GANAB: variants seen among roughly 807,000 people sequenced by gnomAD.
The protein encoded by GANAB is neutral alpha-glucosidase AB.
GANAB carries 35 observed loss-of-function variants against 129.9 expected under a neutral mutation model. That is an observed-to-expected ratio of 0.27 (90% CI 0.21 to 0.36). The LOEUF (loss-of-function observed/expected upper bound fraction) is 0.36, where lower values mean the gene tolerates loss of function less well. Ranked by LOEUF, GANAB falls within the 10% of genes least tolerant of loss-of-function variation. The pLI is 1.00. For missense variants in GANAB, 939 were observed against 1,221.0 expected (o/e 0.77, Z 3.44); for synonymous variants, 482 against 451.8 (o/e 1.07, Z -0.85).
chr11:62,637,885 C>T (rs1413861859), intron 4 of GANAB, among the ~76,000 whole-genome samples: 3 of 149,144 alleles, frequency 2.0e-5, no homozygotes, highest in South Asian at 2.1e-4. Flanking sequence ...TGGGAGACAG[C>T]GAGACTCCAT....
chr11:62,626,348 T>A lies in GANAB; in HGVS notation c.2611A>T (p.Thr871Ser). The A allele has an allele frequency of 6.2e-7, 1 of 1,607,884 alleles. No homozygotes were observed. The highest frequency in any genetic ancestry group is 8.5e-7 in the Non-Finnish European group (1 of 1,174,438). Reference protein sequence around the residue: ...LLRRFSFSGNTLVSSSADPEG... With the variant: ...LLRRFSFSGNSLVSSSADPEG... ...GTGACCCATTACCTGGAGACAAGGGTGTTGCCAGAGAATGAGAATCGACGC... is the reference window on the plus strand; with the variant it reads ...GTGACCCATTACCTGGAGACAAGGGAGTTGCCAGAGAATGAGAATCGACGC... The change falls in exon 22 of 24, where the codon ACC becomes TCC. Residue 871 changes from threonine (T) to serine (S), a missense_variant. Thr to Ser is a moderately conservative substitution (Grantham distance 58). Coordinates refer to ENST00000356638, the MANE Select transcript of GANAB (RefSeq NM_198334.3).
chr11:62,631,252 T>A lies in GANAB; in HGVS notation c.997-69A>T. ...CATTTTCCAACCCCAAGACAAAAAG[T>A]AGCAATTTTCTCCCAGAGTCCACAC... On this transcript the variant is annotated intron_variant, in intron 9 of 23. Coordinates refer to ENST00000356638, the MANE Select transcript of GANAB (RefSeq NM_198334.3). 7 of 1,426,804 alleles carry A rather than the reference T, an allele frequency of 4.9e-6. No homozygotes were observed. In the South Asian group the frequency reaches 1.0e-4, roughly 21 times the overall value. 88.4% of individuals were successfully genotyped at this position (1,426,804 alleles called of 1,614,324 possible). A position where few individuals can be genotyped will look rare whatever the true frequency, so the allele number is the denominator to read the frequency against.
rs772702031 is a variant in GANAB at position 62,629,328 on chromosome 11, T to C, written c.1835-33A>G. On this transcript the variant is annotated intron_variant, in intron 15 of 23. Transcript: ENST00000356638. Reference sequence around the variant, plus strand: ...AGACAAGAAGTGGGGAGCTTGCACATGGTAAAGGAGTTCAGCTTTTTACAT... The same window carrying C: ...AGACAAGAAGTGGGGAGCTTGCACACGGTAAAGGAGTTCAGCTTTTTACAT... 4.1e-6 allele frequency: 6 copies of C among 1,451,758 alleles called. No homozygotes were observed. The South Asian group carries it at 6.8e-5, about 17-fold the overall frequency. 89.9% of individuals were successfully genotyped at this position (1,451,758 alleles called of 1,614,324 possible).
chr11:62,645,666 G>A (rs552892458), intron 1 of GANAB, among the ~76,000 whole-genome samples: 13 of 152,266 alleles, frequency 8.5e-5, no homozygotes, highest in African/African-American at 3.1e-4. Flanking sequence ...GATATGACCT[G>A]TTGGAGGGCC....
intron 11 of GANAB, 32 bp from the exon 12 acceptor site, chr11:62,630,537 C>CT: frequency 1.2e-6 from 2 of 1,614,018 alleles, no homozygotes; most frequent in South Asian, 2.2e-5. Flanking sequence ...GTTCAGGTCT[C>CT]TTTAAGGCTA....
At chr11:62,640,245 A>AAAAAAAAAAAAAAAAAAAC (rs1944175259) in intron 1 of GANAB, among the ~76,000 whole-genome samples, 3 of 87,274 alleles carry the variant, frequency 3.4e-5, no homozygotes, top group Non-Finnish European at 7.7e-5. Flanking sequence ...AAAAAAAAAA[A>AAAAAAAAAAAAAAAAAAAC]AAAAAAAGCC....
At chr11:62,631,224 T>G in intron 9 of GANAB, 41 bp from the exon 10 acceptor site, 2 of 1,499,266 alleles carry the variant, frequency 1.3e-6, no homozygotes, top group Non-Finnish European at 1.8e-6. Flanking sequence ...CCTCCTGCCC[T>G]CCCATTTTCC....
At chr11:62,630,920 G>C in intron 10 of GANAB, 84 bp from the exon 11 acceptor site, 1 of 1,482,194 alleles carries the variant, frequency 6.7e-7, no homozygotes, top group Non-Finnish European at 9.3e-7. Flanking sequence ...ACTAGAGGCA[G>C]GCTGAGGGGT....
intron 2 of GANAB, 64 bp downstream of exon 2, chr11:62,639,561 CCA>C (rs1944126283): frequency 7.0e-7 from 1 of 1,438,656 alleles, no homozygotes; most frequent in Non-Finnish European, 9.8e-7. Context: ...ACTCCATCTG[CCA>C]CAGATATCTC....
Position 62,631,122 on chromosome 11 carries a change from A to C in GANAB, c.1058T>G (p.Val353Gly). Residue 353 changes from valine (V) to glycine (G), a missense_variant, in exon 10 of 24, where the codon GTT becomes GGT. By Grantham distance (109) the Val-to-Gly change is moderately radical. This residue lies in a region of GANAB where 220 missense variants were observed against 295.9 expected (regional missense o/e 0.74). Coordinates refer to ENST00000356638, the MANE Select transcript of GANAB (RefSeq NM_198334.3). ...QGSGETPQTD[V>G]RWMSETGIID... ...GATGCCAGTCTCTGACATCCAGCGA[A>C]CATCTGTCTGTGGGGTCTCCCCAGA... is the stretch of plus-strand genomic sequence containing the variant. 1 of 1,611,672 alleles carries C rather than the reference A, an allele frequency of 6.2e-7. No individual in the cohort carries two copies. Among genetic ancestry groups the C allele is most frequent in the Non-Finnish European group, 8.5e-7 (1 of 1,177,934 alleles).
At chr11:62,629,715 G>A (rs1262191392) in intron 14 of GANAB, 31 bp from the exon 15 acceptor site, 2 of 1,605,114 alleles carry the variant, frequency 1.2e-6, no homozygotes, top group South Asian at 1.1e-5. Flanking sequence ...CGGGTAGTGA[G>A]GAGCAAAAGC....
intron 1 of GANAB, 41 bp downstream of exon 1, chr11:62,646,521 G>C (rs1944491901): frequency 6.2e-7 from 1 of 1,605,682 alleles, no homozygotes; most frequent in Non-Finnish European, 8.5e-7. Context: ...TGGGGGATCT[G>C]GGGGCGTCCC....
At chr11:62,634,131 C>T (rs1029883652) in intron 5 of GANAB, among the ~76,000 whole-genome samples, 11 of 152,152 alleles carry the variant, frequency 7.2e-5, no homozygotes, top group African/African-American at 2.4e-4. Flanking sequence ...AGTATCTCAC[C>T]TTCCTTCTTC....
In GANAB at chr11:62,627,734, C is replaced by CA. The variant is rs1003904575; in HGVS notation, c.2181-382dup. 4.4e-3 allele frequency among the ~76,000 whole-genome samples: 612 copies of CA among 139,542 alleles called. 2 individuals carry two copies. The highest frequency in any genetic ancestry group is 0.012 in the African/African-American group (444 of 38,002). The allele number at this position is 139,542 out of a possible 152,430, so 91.5% of individuals were successfully genotyped here. On this transcript the variant is annotated intron_variant, in intron 17 of 23. Coordinates refer to ENST00000356638, the MANE Select transcript of GANAB (RefSeq NM_198334.3). ...GGGGGACGAGAGTGAGACTTTGTCT[C>CA]AAAAAAAAAAAGAAAAGAAAAGAAC...
intron 1 of GANAB, among the ~76,000 whole-genome samples, chr11:62,641,903 T>G (rs1565111609): frequency 6.7e-6 from 1 of 149,972 alleles, no homozygotes; most frequent in Non-Finnish European, 1.5e-5. Flanking sequence ...TTGTGGTTTT[T>G]GTTTTTTTTC....
intron 4 of GANAB, 73 bp from the exon 5 acceptor site, chr11:62,635,073 G>C: frequency 2.2e-5 from 24 of 1,082,204 alleles, no homozygotes; most frequent in Non-Finnish European, 3.2e-5. Context: ...TAGAAGACCG[G>C]GGGAAATCTA....
Position 62,631,131 on chromosome 11 carries a change from T to G in GANAB, c.1049A>C (p.Gln350Pro). The G allele has an allele frequency of 6.2e-7, 1 of 1,611,108 alleles. No homozygotes were observed. ...DYLQGSGETP[Q>P]TDVRWMSETG... ...CTCTGACATCCAGCGAACATCTGTC[T>G]GTGGGGTCTCCCCAGAGCCCTGCAG... Residue 350 changes from glutamine (Q) to proline (P), a missense_variant, in exon 10 of 24, where the codon CAG becomes CCG. Transcript: ENST00000356638.
At chr11:62,643,770 C>T (rs1417781598) in intron 1 of GANAB, among the ~76,000 whole-genome samples, 1 of 152,088 alleles carries the variant, frequency 6.6e-6, no homozygotes, top group Admixed American at 6.6e-5. Flanking sequence ...GAGCTGAGAT[C>T]GCACCACTGC....
intron 1 of GANAB, among the ~76,000 whole-genome samples, chr11:62,645,377 A>T (rs570978338): frequency 8.5e-5 from 13 of 152,268 alleles, no homozygotes; most frequent in African/African-American, 2.6e-4. Context: ...TCTACTAAAA[A>T]TACAAAAAAA....
Sources: allele counts gnomAD v4.1 joint callset (sites outside exome capture counted in the v4.1 genomes callset), GRCh38; gene constraint gnomAD v4.1.1; regional missense constraint gnomAD v4.1.1; transcripts MANE v1.5; gene names NCBI Gene and HGNC (gene_info 2026-07-23, HGNC 2026-07-21).